The following TNKS variants were observed in gnomAD, a reference collection of about 807,000 sequenced individuals.
TNKS encodes the protein tankyrase, also known as poly [ADP-ribose] polymerase tankyrase-1.
Under a neutral mutation model 135.8 loss-of-function variants are expected in TNKS, and 72 were observed. The observed-to-expected ratio is 0.53, with a 90% confidence interval of 0.44 to 0.64. The LOEUF (loss-of-function observed/expected upper bound fraction) is 0.64, where lower values mean the gene tolerates loss of function less well. Ranked by LOEUF, TNKS falls within the 30% of genes least tolerant of loss-of-function variation. The pLI is 0.00. For missense variants in TNKS, 1,769 were observed against 1,674.0 expected, an observed-to-expected ratio of 1.06 and a Z score of -0.99; for synonymous variants, 849 against 649.3, an observed-to-expected ratio of 1.31 and a Z score of -4.68.
chr8:9,759,026 G>T (rs1807000427), intron 20 of TNKS, among the ~76,000 whole-genome samples: 1 of 152,176 alleles, frequency 6.6e-6, no homozygotes, highest in Non-Finnish European at 1.5e-5. Context: ...GAAGCCCTCA[G>T]TTCCTTGCCA....
In TNKS at chr8:9,751,634, T is replaced by C; in HGVS notation, c.2858T>C (p.Ile953Thr). The stretch of plus-strand genomic sequence containing the variant: ...GCTGACGATATCAGAGCTTTGCTGA[T>C]AGATGCCATGCCCCCAGAGGCCTTA... The part of the protein sequence containing the change: ...ATADDIRALL[I>T]DAMPPEALPT... Residue 953 changes from isoleucine (I) to threonine (T), a missense_variant, in exon 19 of 27, where the codon ATA (isoleucine) becomes ACA (threonine). Coordinates refer to ENST00000310430, the MANE Select transcript of TNKS (RefSeq NM_003747.3). The C allele has an allele frequency of 6.2e-7, 1 of 1,614,224 alleles. No individual in the cohort carries two copies. The highest frequency in any genetic ancestry group is 8.5e-7 in the Non-Finnish European group (1 of 1,180,030).
Position 9,709,942 on chromosome 8 carries a change from G to C in TNKS, c.1579-13G>C, listed in dbSNP as rs780967162. ...AAGTGTATTTTATTAACTTGGTTTT[G>C]TTTACTTTATAGCACTGTGCTGTGG... On this transcript the variant is annotated splice_polypyrimidine_tract_variant and intron_variant, in intron 9 of 26. Coordinates refer to ENST00000310430, the MANE Select transcript of TNKS (RefSeq NM_003747.3). 13 of 1,609,298 alleles carry C rather than the reference G, an allele frequency of 8.1e-6. No individual in the cohort carries two copies. The highest frequency in any genetic ancestry group is 3.7e-4 in the Middle Eastern group (2 of 5,354).
At chr8:9,770,070 C>G in intron 25 of TNKS, 36 bp from the exon 26 acceptor site, 7 of 1,555,438 alleles carry the variant, frequency 4.5e-6, no homozygotes, top group Non-Finnish European at 6.1e-6. Flanking sequence ...AGATTTAAAG[C>G]TTCCTTCAAA....
intron 3 of TNKS, among the ~76,000 whole-genome samples, chr8:9,677,459 A>G (rs1176596038): frequency 6.6e-6 from 1 of 152,050 alleles, no homozygotes; most frequent in Non-Finnish European, 1.5e-5. Context: ...TTTTATTACC[A>G]CTCTTATTGG....
chr8:9,646,956 T>C (rs1229462438), intron 3 of TNKS, among the ~76,000 whole-genome samples: 1 of 152,202 alleles, frequency 6.6e-6, no homozygotes, highest in Non-Finnish European at 1.5e-5. Flanking sequence ...GGAAATTTTA[T>C]ATCCCTTAGT....
In TNKS at chr8:9,779,831, A is replaced by G. The variant is rs980542130; in HGVS notation, c.*3095A>G. ...TTCGATGCAAAATAACAGCAGTGCA[A>G]CCAGGATTCTTGTTTTCCTTTTCCT... On this transcript the variant is annotated 3_prime_UTR_variant, in exon 27 of 27. Transcript: ENST00000310430. 1.3e-5 allele frequency: 2 copies of G among 152,212 alleles called. No individual in the cohort carries two copies. Among genetic ancestry groups the G allele is most frequent in the African/African-American group, 2.4e-5 (1 of 41,444 alleles). The allele number at this position is 152,212 out of a possible 1,614,324, so 9.4% of individuals were successfully genotyped here. A position where few individuals can be genotyped will look rare whatever the true frequency, so the allele number is the denominator to read the frequency against.
intron 5 of TNKS, among the ~76,000 whole-genome samples, chr8:9,697,345 A>G (rs1803565492): frequency 6.6e-6 from 1 of 152,170 alleles, no homozygotes; most frequent in Non-Finnish European, 1.5e-5. Context: ...AACTATAAAA[A>G]TTCTAGAGAA....
intron 25 of TNKS, among the ~76,000 whole-genome samples, chr8:9,769,455 T>A (rs1434033101): frequency 6.6e-6 from 1 of 152,188 alleles, no homozygotes; most frequent in East Asian, 1.9e-4. Context: ...CAGTTTCTAC[T>A]TTTTTCCCTG....
At chr8:9,650,543 T>G (rs1801107512) in intron 3 of TNKS, among the ~76,000 whole-genome samples, 1 of 152,234 alleles carries the variant, frequency 6.6e-6, no homozygotes, top group African/African-American at 2.4e-5. Flanking sequence ...TCATTGTGGT[T>G]TTAATTTGCA....
At chr8:9,572,906 T>G (rs962270554) in intron 1 of TNKS, among the ~76,000 whole-genome samples, 3 of 152,298 alleles carry the variant, frequency 2.0e-5, no homozygotes, top group Admixed American at 2.0e-4. Context: ...CATAAATGTG[T>G]CATAGCTGAA....
At chr8:9,755,645 G>T (rs1197601430) in intron 20 of TNKS, among the ~76,000 whole-genome samples, 2 of 152,270 alleles carry the variant, frequency 1.3e-5, no homozygotes, top group East Asian at 3.9e-4. Flanking sequence ...GATGGTCAAT[G>T]TATTTGTATA....
intron 17 of TNKS, among the ~76,000 whole-genome samples, chr8:9,742,998 A>G (rs192123118): frequency 1.9e-3 from 283 of 152,200 alleles, no homozygotes; most frequent in African/African-American, 6.5e-3. Context: ...TATTCATTCT[A>G]TCCTGCCTTG....
intron 3 of TNKS, 89 bp downstream of exon 3, chr8:9,615,766 C>T: frequency 9.5e-7 from 1 of 1,052,282 alleles, no homozygotes; most frequent in South Asian, 1.5e-5. Context: ...TTTTTCTTTT[C>T]ACTGATGAAG....
intron 3 of TNKS, among the ~76,000 whole-genome samples, chr8:9,617,914 G>C (rs1200915969): frequency 6.6e-6 from 1 of 150,656 alleles, no homozygotes; most frequent in Non-Finnish European, 1.5e-5. Flanking sequence ...TTGTGCATTA[G>C]TCTAAACTGT....
intron 5 of TNKS, among the ~76,000 whole-genome samples, chr8:9,703,378 G>C (rs887457173): frequency 1.1e-4 from 16 of 152,200 alleles, no homozygotes; most frequent in African/African-American, 3.6e-4. Context: ...AAGTGAAATT[G>C]TACTGTATTT....
At chr8:9,589,653 CCTCGGGCCTCACCACTATA>C (rs1333595612) in intron 2 of TNKS, among the ~76,000 whole-genome samples, 1 of 152,222 alleles carries the variant, frequency 6.6e-6, no homozygotes, top group Non-Finnish European at 1.5e-5. Context: ...GGACTTGGCC[CCTCGGGCCTCACCACTATA>C]CATAGGAATC....
At chr8:9,607,838 A>C (rs925894113) in intron 2 of TNKS, among the ~76,000 whole-genome samples, 1 of 152,182 alleles carries the variant, frequency 6.6e-6, no homozygotes, top group Non-Finnish European at 1.5e-5. Context: ...CTGCTTTGTC[A>C]GGGGCATTCT....
chr8:9,670,610 G>C (rs1218370141), intron 3 of TNKS: 2 of 152,104 alleles, frequency 1.3e-5, no homozygotes, highest in Non-Finnish European at 2.9e-5. Context: ...GTATAAACTT[G>C]TCTGCCTAGT....
intron 1 of TNKS, among the ~76,000 whole-genome samples, chr8:9,567,392 GA>G (rs1187834410): frequency 6.6e-6 from 1 of 152,118 alleles, no homozygotes; most frequent in Non-Finnish European, 1.5e-5. Context: ...AAGAAGGAAG[GA>G]TATTTTAGCA....
Sources: gnomAD v4.1 joint callset for allele counts (sites outside exome capture counted in the v4.1 genomes callset) on GRCh38, gnomAD v4.1.1 for gene constraint, MANE v1.5 for transcripts, NCBI Gene and HGNC (gene_info 2026-07-23, HGNC 2026-07-21) for gene names.